Variants in CYFIP1 observed in about 807,000 individuals in gnomAD.
CYFIP1 encodes the protein cytoplasmic FMR1-interacting protein 1.
CYFIP1 carries 58 observed loss-of-function variants against 163.5 expected under a neutral mutation model. The observed-to-expected ratio is 0.35, with a 90% CI of 0.29 to 0.44. CYFIP1 has a LOEUF of 0.44. Ranked by LOEUF, CYFIP1 falls within the 20% of genes least tolerant of loss-of-function variation. CYFIP1 has a pLI of 1.00. For synonymous variants in CYFIP1, 663 were observed against 660.7 expected, an observed-to-expected ratio of 1.00 and a Z score of -0.05; for missense variants, 1,338 against 1,653.8, an observed-to-expected ratio of 0.81 and a Z score of 3.31.
intron 26 of CYFIP1, among the ~76,000 whole-genome samples, chr15:22,879,590 G>T (rs777045034): frequency 1.7e-4 from 26 of 152,082 alleles, no homozygotes; most frequent in Non-Finnish European, 3.5e-4. Context: ...CATACAGAGG[G>T]CCCTCCTGCG....
At chr15:22,945,722 C>A (rs1451875925) in intron 3 of CYFIP1, among the ~76,000 whole-genome samples, 1 of 151,370 alleles carries the variant, frequency 6.6e-6, no homozygotes, top group Non-Finnish European at 1.5e-5. Context: ...TACAGGTGTG[C>A]GCACCACCAT....
chr15:22,977,007 C>G (rs2063304052), intron 1 of CYFIP1, among the ~76,000 whole-genome samples: 1 of 152,142 alleles, frequency 6.6e-6, no homozygotes. Context: ...CCAGACCAGC[C>G]TGACCAACAC....
intron 21 of CYFIP1, among the ~76,000 whole-genome samples, chr15:22,908,052 T>C (rs1397126301): frequency 6.6e-6 from 1 of 152,236 alleles, no homozygotes; most frequent in African/African-American, 2.4e-5. Flanking sequence ...CCAGTTCAGA[T>C]GTTTTTAACC....
chr15:22,962,705 T>C (rs374514640), intron 1 of CYFIP1, among the ~76,000 whole-genome samples: 8 of 152,226 alleles, frequency 5.3e-5, no homozygotes, highest in East Asian at 3.9e-4. Flanking sequence ...CGCCCGGCCA[T>C]AGCTCATCTA....
At chr15:22,910,204 A>C (rs1317393844) in intron 20 of CYFIP1, among the ~76,000 whole-genome samples, 1 of 151,874 alleles carries the variant, frequency 6.6e-6, no homozygotes, top group Non-Finnish European at 1.5e-5. Context: ...TCTGTCACCC[A>C]GGCTGGAGTG....
At chr15:22,933,735 T>G in intron 10 of CYFIP1, 67 bp downstream of exon 10, 1 of 1,132,296 alleles carries the variant, frequency 8.8e-7, no homozygotes, top group Non-Finnish European at 1.3e-6. Context: ...ATAAGCAGGA[T>G]GTTTGAAAAC....
chr15:22,952,587 G>T (rs963227728), intron 1 of CYFIP1, among the ~76,000 whole-genome samples: 1 of 141,624 alleles, frequency 7.1e-6, no homozygotes, highest in African/African-American at 2.7e-5. Context: ...CCCAGGAGGC[G>T]GAGGTTGCAG....
chr15:22,906,626 T>C (rs1347601754), intron 21 of CYFIP1, among the ~76,000 whole-genome samples: 1 of 151,910 alleles, frequency 6.6e-6, no homozygotes, highest in Non-Finnish European at 1.5e-5. Context: ...CCATCAAGCC[T>C]GGCTAATTTT....
rs559580733 is a variant in CYFIP1, at chr15:22,950,894, A to G, written c.-6-3603T>C. On this transcript the variant is annotated intron_variant, in intron 1 of 30. Coordinates refer to ENST00000617928, the MANE Select transcript of CYFIP1 (RefSeq NM_014608.6). ...CATCTCACGGCGGGCACCAAAGGGC[A>G]AGAGAGAGAGAGAGAGACCACGTTC... Among the ~76,000 whole-genome samples the G allele has an allele frequency of 3.4e-4, 52 of 151,458 alleles. 2 individuals are homozygous for G. The South Asian group carries it at 9.3e-3, about 27-fold the overall frequency.
chr15:22,979,782 G>A (rs2063407260), intron 1 of CYFIP1, among the ~76,000 whole-genome samples: 1 of 152,106 alleles, frequency 6.6e-6, no homozygotes, highest in African/African-American at 2.4e-5. Flanking sequence ...ATGGCTCCGC[G>A]GACCAGGCTC....
chr15:22,943,256 G>A lies in CYFIP1; in HGVS notation c.486C>T (p.Gly162=), dbSNP rs202236526. The change falls in exon 6 of 31, where the codon GGC becomes GGT. Residue 162 remains glycine, a synonymous_variant. Transcript: ENST00000617928. ...FVSEAYLITL[G]KFINMFAVLD... Reference sequence around the variant, plus strand: ...GCACAGCGAACATGTTGATGAATTTGCCCAGTGTGATCAGGTAGGCTTCTG... The same window carrying A: ...GCACAGCGAACATGTTGATGAATTTACCCAGTGTGATCAGGTAGGCTTCTG... The A allele has an allele frequency of 2.5e-6, 4 of 1,614,212 alleles. 1 individual carries two copies. The highest frequency in any genetic ancestry group is 2.7e-5 in the African/African-American group (2 of 75,042).
chr15:22,944,925 C>T lies in CYFIP1; in HGVS notation c.222G>A (p.Glu74=). 1 of 1,614,110 alleles carries T rather than the reference C, an allele frequency of 6.2e-7. No individual in the cohort carries two copies. The highest frequency in any genetic ancestry group is 8.5e-7 in the Non-Finnish European group (1 of 1,179,984). Residue 74 remains glutamate (E), a synonymous_variant, in exon 4 of 31, where the codon GAG becomes GAA. Coordinates refer to ENST00000617928, the MANE Select transcript of CYFIP1 (RefSeq NM_014608.6). ...TVHSSMNEML[E]EGQEYAVMLY... ...GCATGACAGCATATTCTTGGCCCTC[C>T]TCCAGCATCTCGTTCTGCAATGGAA... is the stretch of plus-strand genomic sequence containing the variant.
At chr15:22,912,340 G>A (rs537150910) in intron 17 of CYFIP1, 65 bp from the exon 18 acceptor site, 17 of 1,256,036 alleles carry the variant, frequency 1.4e-5, no homozygotes, top group East Asian at 5.1e-5. Flanking sequence ...CGACAGCCTC[G>A]CCCCACCTCA....
chr15:22,879,779 CAA>C (rs563478057), intron 26 of CYFIP1, 132 bp downstream of exon 26: 2,399 of 563,348 alleles, frequency 4.3e-3, no homozygotes, highest in East Asian at 0.02. Flanking sequence ...TCAACAGCCA[CAA>C]AAAAAAAAAA....
At chr15:22,972,573 T>C (rs1166320301) in intron 1 of CYFIP1, among the ~76,000 whole-genome samples, 1 of 152,206 alleles carries the variant, frequency 6.6e-6, no homozygotes, top group Non-Finnish European at 1.5e-5. Flanking sequence ...GCCAACTGAT[T>C]TTTAACAAAG....
intron 1 of CYFIP1, among the ~76,000 whole-genome samples, chr15:22,953,224 C>T (rs2062319052): frequency 6.6e-6 from 1 of 152,040 alleles, no homozygotes; most frequent in Non-Finnish European, 1.5e-5. Flanking sequence ...TGGGTGCCAC[C>T]TACAGAGCCA....
chr15:22,960,999 C>CATTTATTT (rs139765970), intron 1 of CYFIP1, among the ~76,000 whole-genome samples: 8 of 151,184 alleles, frequency 5.3e-5, no homozygotes, highest in South Asian at 2.1e-4. Flanking sequence ...ATTTGTATTT[C>CATTTATTT]ATTTATTTAT....
At chr15:22,951,005 G>A (rs2062230992) in intron 1 of CYFIP1, among the ~76,000 whole-genome samples, 1 of 152,160 alleles carries the variant, frequency 6.6e-6, no homozygotes, top group African/African-American at 2.4e-5. Context: ...ATTAAAGTTC[G>A]TCACTGGTAT....
At chr15:22,902,757 T>C (rs2060437633) in intron 22 of CYFIP1, among the ~76,000 whole-genome samples, 1 of 152,124 alleles carries the variant, frequency 6.6e-6, no homozygotes, top group Non-Finnish European at 1.5e-5. Flanking sequence ...GAGAATGGCC[T>C]CAGTGATGCA....
Sources: gnomAD v4.1 joint callset for allele counts (sites outside exome capture counted in the v4.1 genomes callset) on GRCh38, gnomAD v4.1.1 for gene constraint, MANE v1.5 for transcripts, NCBI Gene and HGNC (gene_info 2026-07-23, HGNC 2026-07-21) for gene names.